The following FHIT variants were observed in gnomAD, a reference collection of about 807,000 sequenced individuals.
The protein encoded by FHIT is fragile histidine triad diadenosine triphosphatase, also known as bis(5'-adenosyl)-triphosphatase.
A neutral mutation model predicts 17.9 loss-of-function variants in FHIT; 19 were observed. That is an observed-to-expected ratio of 1.06 (90% CI 0.74 to 1.56). The LOEUF is 1.56. Among genes scored for constraint, FHIT ranks in the 40% most tolerant of loss-of-function variants. The pLI is 0.00. For synonymous variants in FHIT, 81 were observed against 69.7 expected, an observed-to-expected ratio of 1.16 and a Z score of -0.81; for missense variants, 248 against 189.2, an observed-to-expected ratio of 1.31 and a Z score of -1.82.
chr3:59,819,172 G>C (rs1409302268), intron 8 of FHIT, among the ~76,000 whole-genome samples: 1 of 152,164 alleles, frequency 6.6e-6, no homozygotes, highest in Non-Finnish European at 1.5e-5. Flanking sequence ...TACTGGGTTA[G>C]CAAAGAAACC....
chr3:60,744,792 C>A (rs17063899), intron 4 of FHIT, among the ~76,000 whole-genome samples: 12,268 of 152,226 alleles, frequency 0.081, 568 homozygotes, highest in East Asian at 0.16. Flanking sequence ...ATAAATCCCT[C>A]AATGACAAGG....
At chr3:60,462,663 C>T (rs1342780528) in intron 5 of FHIT, among the ~76,000 whole-genome samples, 1 of 152,090 alleles carries the variant, frequency 6.6e-6, no homozygotes, top group African/African-American at 2.4e-5. Flanking sequence ...GACTAGAATT[C>T]AGCCCATCAG....
chr3:60,454,620 G>A (rs1224927124), intron 5 of FHIT, among the ~76,000 whole-genome samples: 2 of 152,098 alleles, frequency 1.3e-5, no homozygotes, highest in Middle Eastern at 3.4e-3. Flanking sequence ...TCCTGACCTC[G>A]TGATCCACTT....
chr3:59,799,480 T>A (rs1699909522), intron 8 of FHIT, among the ~76,000 whole-genome samples: 1 of 152,062 alleles, frequency 6.6e-6, no homozygotes, highest in South Asian at 2.1e-4. Flanking sequence ...ATTTTGTTCA[T>A]GAGAAGTAGA....
chr3:60,369,987 A>C (rs140891280), intron 5 of FHIT, among the ~76,000 whole-genome samples: 420 of 152,332 alleles, frequency 2.8e-3, no homozygotes, highest in African/African-American at 9.9e-3. Context: ...TTTAAGGTAC[A>C]TAAAAAAAGA....
intron 5 of FHIT, among the ~76,000 whole-genome samples, chr3:60,115,636 T>C (rs570499302): frequency 2.0e-5 from 3 of 152,118 alleles, no homozygotes; most frequent in African/African-American, 7.2e-5. Flanking sequence ...TGTAAAACAT[T>C]TGTCACAGTT....
chr3:59,994,525 G>A (rs1699424258), intron 7 of FHIT, among the ~76,000 whole-genome samples: 2 of 152,076 alleles, frequency 1.3e-5, no homozygotes, highest in Non-Finnish European at 2.9e-5. Flanking sequence ...TGCAGCTCTG[G>A]TAATGCAACA....
At chr3:60,924,072 C>T (rs1037572288) in intron 3 of FHIT, among the ~76,000 whole-genome samples, 6 of 152,146 alleles carry the variant, frequency 3.9e-5, no homozygotes, top group African/African-American at 7.2e-5. Context: ...AGCTCGAACT[C>T]GGTGGAGCCC....
chr3:61,044,714 A>G (rs188329716), intron 2 of FHIT, among the ~76,000 whole-genome samples: 2 of 152,322 alleles, frequency 1.3e-5, no homozygotes, highest in East Asian at 1.9e-4. Context: ...AGGAAAAAAT[A>G]TTAAGGGCAG....
intron 8 of FHIT, among the ~76,000 whole-genome samples, chr3:59,896,479 AG>A (rs1704077504): frequency 6.6e-6 from 1 of 152,230 alleles, no homozygotes; most frequent in African/African-American, 2.4e-5. Flanking sequence ...GAGGGTAGTT[AG>A]TGTTCATCTA....
chr3:61,114,840 G>C (rs759792456), intron 2 of FHIT, among the ~76,000 whole-genome samples: 1 of 152,138 alleles, frequency 6.6e-6, no homozygotes, highest in Non-Finnish European at 1.5e-5. Context: ...GAAGGTTTGA[G>C]ACCATTAAGC....
At chr3:61,097,071 T>A (rs2035663110) in intron 2 of FHIT, among the ~76,000 whole-genome samples, 2 of 95,700 alleles carry the variant, frequency 2.1e-5, no homozygotes, top group South Asian at 4.6e-4. Flanking sequence ...AGAGTGAGAC[T>A]CAATCTCAAA....
At chr3:60,153,362 CAGAAA>C (rs1559680846) in intron 5 of FHIT, among the ~76,000 whole-genome samples, 2 of 46,942 alleles carry the variant, frequency 4.3e-5, no homozygotes, top group Non-Finnish European at 8.7e-5. Flanking sequence ...CACAATTCAC[CAGAAA>C]AAAAAAAAAA....
intron 8 of FHIT, among the ~76,000 whole-genome samples, chr3:59,800,101 G>A (rs1699935481): frequency 6.6e-6 from 1 of 152,180 alleles, no homozygotes; most frequent in East Asian, 1.9e-4. Flanking sequence ...CTGTTACTTC[G>A]ACAATTGCCA....
chr3:60,404,430 C>G (rs988641060), intron 5 of FHIT, among the ~76,000 whole-genome samples: 1 of 152,100 alleles, frequency 6.6e-6, no homozygotes, highest in Non-Finnish European at 1.5e-5. Context: ...CGGGATGTGA[C>G]AGTAGCTAAG....
intron 5 of FHIT, among the ~76,000 whole-genome samples, chr3:60,308,433 C>G (rs1311395459): frequency 6.6e-6 from 1 of 151,138 alleles, no homozygotes; most frequent in Non-Finnish European, 1.5e-5. Context: ...GGACATCATC[C>G]TTTCTGTATC....
At chr3:60,759,915 T>G (rs1699579543) in intron 4 of FHIT, among the ~76,000 whole-genome samples, 1 of 152,106 alleles carries the variant, frequency 6.6e-6, no homozygotes, top group African/African-American at 2.4e-5. Flanking sequence ...TTTCTTTTTT[T>G]CTTTTCCCTT....
chr3:59,861,951 A>C (rs893800694), intron 8 of FHIT, among the ~76,000 whole-genome samples: 2 of 152,094 alleles, frequency 1.3e-5, no homozygotes, highest in Non-Finnish European at 2.9e-5. Context: ...ATGTGATGTA[A>C]TTGGTACTAG....
At chr3:60,772,167 T>G (rs1700066160) in intron 4 of FHIT, among the ~76,000 whole-genome samples, 2 of 151,682 alleles carry the variant, frequency 1.3e-5, no homozygotes, top group Non-Finnish European at 2.9e-5. Context: ...AAAAAAAAAG[T>G]TGCAGTTGGA....
Sources: allele counts gnomAD v4.1 joint callset (sites outside exome capture counted in the v4.1 genomes callset), GRCh38; gene constraint gnomAD v4.1.1; transcripts MANE v1.5; gene names NCBI Gene and HGNC (gene_info 2026-07-23, HGNC 2026-07-21).